Variants in ANKRD50 observed in about 807,000 individuals in gnomAD.
The protein encoded by ANKRD50 is ankyrin repeat domain 50.
A neutral mutation model predicts 112.0 loss-of-function variants in ANKRD50; 40 were observed. That is an observed-to-expected ratio of 0.36 (90% CI 0.28 to 0.46). The LOEUF (loss-of-function observed/expected upper bound fraction) is 0.46, where lower values mean the gene tolerates loss of function less well. Among genes scored for constraint, ANKRD50 ranks in the 20% least tolerant of loss-of-function variants. The pLI is 1.00. For missense variants in ANKRD50, 1,487 were observed against 1,701.7 expected (o/e 0.87, Z 2.22); for synonymous variants, 613 against 619.1 (o/e 0.99, Z 0.15).
intron 2 of ANKRD50, among the ~76,000 whole-genome samples, chr4:124,705,989 G>C (rs1355193744): frequency 6.6e-6 from 1 of 152,056 alleles, no homozygotes. Flanking sequence ...ATGAAAAAAA[G>C]ATAGCAATGT....
intron 2 of ANKRD50, among the ~76,000 whole-genome samples, chr4:124,689,620 G>A (rs1012306308): frequency 2.6e-5 from 4 of 152,134 alleles, no homozygotes; most frequent in African/African-American, 9.7e-5. Flanking sequence ...CTTTGGACCT[G>A]AAAAATCAGC....
chr4:124,710,102 C>T lies in ANKRD50; in HGVS notation c.410G>A (p.Ser137Asn). 6.2e-7 allele frequency: 1 copy of T among 1,614,180 alleles called. No individual in the cohort carries two copies. Among genetic ancestry groups the T allele is most frequent in the Non-Finnish European group, 8.5e-7 (1 of 1,180,038 alleles). The change falls in exon 2 of 5, where the codon AGT (serine) becomes AAT (asparagine). Residue 137 changes from serine to asparagine, a missense_variant. By Grantham distance (46) the Ser-to-Asn change is conservative (BLOSUM62 1). This residue lies in a region of ANKRD50 where 1,046 missense variants were observed against 1,269.5 expected (regional missense o/e 0.82). Transcript: ENST00000504087. ...IRGLVAQICR[S>N]GLLQGYEDKL... ...GTCCTCATATCCTTGGAGTAGTCCACTGCGGCAGATCTGGGCTACTAGACC... is the reference window on the plus strand; with the variant it reads ...GTCCTCATATCCTTGGAGTAGTCCATTGCGGCAGATCTGGGCTACTAGACC...
chr4:124,708,336 G>A (rs1725552096), intron 2 of ANKRD50, among the ~76,000 whole-genome samples: 1 of 152,096 alleles, frequency 6.6e-6, no homozygotes, highest in South Asian at 2.1e-4. Context: ...ATTAATTTAA[G>A]AATGATACAA....
rs2110509356 is a variant in ANKRD50 at position 124,672,371 on chromosome 4, G to A, written c.906C>T (p.Cys302=). Residue 302 remains cysteine, a synonymous_variant, in exon 4 of 5, where the codon TGC becomes TGT. Transcript: ENST00000504087. ...CTAAAACTCGTTCTAGGTAAAGAAA[G>A]CATCCACTGCTTTTAATGTGCAGTT... The part of the protein sequence containing the change: ...LNQLHIKSSG[C]FLYLERVLDG... The A allele has an allele frequency of 6.2e-7, 1 of 1,613,104 alleles. No individual in the cohort carries two copies. The highest frequency in any genetic ancestry group is 2.2e-5 in the East Asian group (1 of 44,838).
intron 2 of ANKRD50, among the ~76,000 whole-genome samples, chr4:124,692,429 T>C (rs1023955557): frequency 6.6e-6 from 1 of 152,224 alleles, no homozygotes; most frequent in South Asian, 2.1e-4. Flanking sequence ...GTCTTTTAAA[T>C]TAAATACATA....
intron 2 of ANKRD50, among the ~76,000 whole-genome samples, chr4:124,688,221 T>C (rs796636989): frequency 2.6e-5 from 4 of 152,266 alleles, no homozygotes; most frequent in South Asian, 2.1e-4. Context: ...CACAACAGCA[T>C]GGGTGAATCC....
At chr4:124,698,365 G>A (rs1034779229) in intron 2 of ANKRD50, among the ~76,000 whole-genome samples, 2 of 151,646 alleles carry the variant, frequency 1.3e-5, no homozygotes, top group Middle Eastern at 3.2e-3. Context: ...ACGTGTGTGT[G>A]TATATATATG....
At chr4:124,706,941 GGTACTCAAA>G (rs1326466513) in intron 2 of ANKRD50, among the ~76,000 whole-genome samples, 1 of 151,880 alleles carries the variant, frequency 6.6e-6, no homozygotes, top group Non-Finnish European at 1.5e-5. Flanking sequence ...CAGTTGTATG[GGTACTCAAA>G]GTAAGGTTTC....
In ANKRD50 at chr4:124,710,739, G is replaced by C. The variant is rs1338316792; in HGVS notation, c.-228C>G. ...TTAGTTGTTGAACTGAGGGAGAAACGCCTGATTCCACAGCTCAGCAACACT... is the reference window on the plus strand; with the variant it reads ...TTAGTTGTTGAACTGAGGGAGAAACCCCTGATTCCACAGCTCAGCAACACT... On this transcript the variant is annotated 5_prime_UTR_variant, in exon 2 of 5. Transcript: ENST00000504087. The C allele has an allele frequency of 1.8e-6, 1 of 546,228 alleles. No homozygotes were observed. The highest frequency in any genetic ancestry group is 2.8e-5 in the East Asian group (1 of 35,394). The allele number at this position is 546,228 out of a possible 1,614,324, so 33.8% of individuals were successfully genotyped here.
intron 2 of ANKRD50, among the ~76,000 whole-genome samples, chr4:124,689,487 C>T (rs1725082889): frequency 6.6e-6 from 1 of 152,148 alleles, no homozygotes; most frequent in Admixed American, 6.5e-5. Flanking sequence ...AATGGGTAGA[C>T]TGAGTAAAGC....
At position 124,666,965 on chromosome 4, in the gene ANKRD50, A is replaced by T. The variant is rs1486808345; in HGVS notation, c.*553T>A. 6.6e-6 allele frequency: 1 copy of T among 152,014 alleles called. No individual in the cohort carries two copies. The highest frequency in any genetic ancestry group is 2.4e-5 in the African/African-American group (1 of 41,424). The allele number at this position is 152,014 out of a possible 1,614,324, so 9.4% of individuals were successfully genotyped here. On this transcript the variant is annotated 3_prime_UTR_variant, in exon 5 of 5. Coordinates refer to ENST00000504087, the MANE Select transcript of ANKRD50 (RefSeq NM_020337.3). The stretch of plus-strand genomic sequence containing the variant: ...ATTTTTTCATTTCAATGTGATATTT[A>T]TATAGAAAATGATTTTTATCCAATG...
At chr4:124,698,639 T>C (rs1362977223) in intron 2 of ANKRD50, among the ~76,000 whole-genome samples, 4 of 152,092 alleles carry the variant, frequency 2.6e-5, no homozygotes, top group Non-Finnish European at 2.9e-5. Flanking sequence ...TTGAAAGAAA[T>C]ATTAATACAA....
chr4:124,705,417 A>G (rs1725484106), intron 2 of ANKRD50, among the ~76,000 whole-genome samples: 1 of 152,214 alleles, frequency 6.6e-6, no homozygotes, highest in Non-Finnish European at 1.5e-5. Context: ...GAAGATATTT[A>G]ATTTTTCCTA....
intron 2 of ANKRD50, among the ~76,000 whole-genome samples, chr4:124,683,504 T>C (rs1426312430): frequency 6.6e-6 from 1 of 152,034 alleles, no homozygotes; most frequent in South Asian, 2.1e-4. Context: ...ACTAGTATTA[T>C]TGAATACTAG....
In ANKRD50 at chr4:124,669,217, C is replaced by A; in HGVS notation, c.4060G>T (p.Glu1354Ter). 1 of 1,613,638 alleles carries A rather than the reference C, an allele frequency of 6.2e-7. No homozygotes were observed. Among genetic ancestry groups the A allele is most frequent in the Non-Finnish European group, 8.5e-7 (1 of 1,179,778 alleles). Residue 1354 changes from glutamate to a stop codon, truncating the protein, a stop_gained, in exon 4 of 5, where the codon GAA becomes TAA. Transcript: ENST00000504087. LOFTEE classifies it high-confidence loss of function. ...QQFLIHQQSGEQKKRNGIMTN... is the reference protein window; with the variant it reads ...QQFLIHQQSG ...ATTATTCCATTTCTCTTCTTCTGTT[C>A]CCCACTTTGTTGGTGAATAAGAAAC...
In ANKRD50 at chr4:124,678,959, G is replaced by T. The variant is rs1724810163; in HGVS notation, c.513-54C>A. On this transcript the variant is annotated intron_variant, in intron 2 of 4. Coordinates refer to ENST00000504087, the MANE Select transcript of ANKRD50 (RefSeq NM_020337.3). ...GAATGTTAAGTGGCTATGATGTTAA[G>T]ATTTATTATTCAAACATTAGAGTAT... The T allele has an allele frequency of 6.2e-6, 8 of 1,280,790 alleles. No individual in the cohort carries two copies. The South Asian group carries it at 1.1e-4, about 17-fold the overall frequency. 79.3% of individuals were successfully genotyped at this position (1,280,790 alleles called of 1,614,324 possible).
At position 124,670,823 on chromosome 4, in the gene ANKRD50, G is replaced by A; in HGVS notation, c.2454C>T (p.Leu818=). The A allele has an allele frequency of 6.2e-7, 1 of 1,613,820 alleles. No homozygotes were observed. Among genetic ancestry groups the A allele is most frequent in the Non-Finnish European group, 8.5e-7 (1 of 1,179,890 alleles). Residue 818 remains leucine, a synonymous_variant, in exon 4 of 5, where the codon CTC becomes CTT. Transcript: ENST00000504087. ...CATTTCCTTGTGCTGAAGCTATACT[G>A]AGGACTGTCCTACCTTCACTATCAA... ...DSIDSEGRTV[L]SIASAQGNVE... is the part of the protein sequence containing the mutation.
chr4:124,695,901 T>C lies in ANKRD50; in HGVS notation c.512+14099A>G, dbSNP rs1725241560. Among the ~76,000 whole-genome samples the C allele has an allele frequency of 2.0e-5, 3 of 152,030 alleles. No homozygotes were observed. In the South Asian group the frequency reaches 6.2e-4, roughly 31 times the overall value. ...TCACCCTATCTGTCCAAGGTTTTCC[T>C]GTTGTTGTTACTTTGTTTTAATTAG... On this transcript the variant is annotated intron_variant, in intron 2 of 4. Transcript: ENST00000504087.
Position 124,669,462 on chromosome 4 carries a change from T to G in ANKRD50, c.3815A>C (p.Lys1272Thr), listed in dbSNP as rs1560816857. Residue 1272 changes from lysine to threonine, a missense_variant, in exon 4 of 5, where the codon AAA (lysine) becomes ACA (threonine). Lys to Thr is a moderately conservative substitution (Grantham distance 78). Around this residue, in one of 2 missense-constraint regions of ANKRD50, gnomAD observed 441 missense variants for 432.2 expected, o/e 1.02. Coordinates refer to ENST00000504087, the MANE Select transcript of ANKRD50 (RefSeq NM_020337.3). ...LKSTKASKGG[K>T]SENSAKSGSA... ...TCCAGACTTGGCAGAATTTTCTGAT[T>G]TCCCCCCTTTACTTGCTTTAGTTGA... is the stretch of plus-strand genomic sequence containing the variant. 6.2e-7 allele frequency: 1 copy of G among 1,612,470 alleles called. No homozygotes were observed.
Sources: allele counts gnomAD v4.1 joint callset (sites outside exome capture counted in the v4.1 genomes callset), GRCh38; gene constraint gnomAD v4.1.1; regional missense constraint gnomAD v4.1.1; transcripts MANE v1.5; gene names NCBI Gene and HGNC (gene_info 2026-07-23, HGNC 2026-07-21).